Variants in NCAM2 observed in about 807,000 individuals in gnomAD.
NCAM2 encodes the protein neural cell adhesion molecule 2.
A neutral mutation model predicts 98.1 loss-of-function variants in NCAM2; 30 were observed. That is an observed-to-expected ratio of 0.31 (90% confidence interval 0.23 to 0.41). NCAM2 has a LOEUF of 0.41. NCAM2 is among the 10% of genes least tolerant of loss of function. NCAM2 has a pLI of 1.00. For synonymous variants in NCAM2, 368 were observed against 342.4 expected (o/e 1.07, Z -0.83); for missense variants, 867 against 1,005.8 (o/e 0.86, Z 1.87).
chr21:21,458,872 C>G (rs1340603983), intron 12 of NCAM2, among the ~76,000 whole-genome samples: 1 of 152,074 alleles, frequency 6.6e-6, no homozygotes, highest in African/African-American at 2.4e-5. Flanking sequence ...TGAAAAACTT[C>G]CGCACATAAA....
chr21:21,509,380 C>T (rs1466907590), intron 16 of NCAM2, among the ~76,000 whole-genome samples: 3 of 152,054 alleles, frequency 2.0e-5, no homozygotes, highest in African/African-American at 4.8e-5. Context: ...ATTTATTCCA[C>T]CGGTTTTGTT....
chr21:21,026,448 CG>C (rs1283810071), intron 1 of NCAM2, among the ~76,000 whole-genome samples: 1 of 151,878 alleles, frequency 6.6e-6, no homozygotes, highest in Non-Finnish European at 1.5e-5. Flanking sequence ...CACCTGAGGT[CG>C]GGAGTTCGAG....
At chr21:21,090,533 A>T (rs1057073414) in intron 1 of NCAM2, among the ~76,000 whole-genome samples, 2 of 152,176 alleles carry the variant, frequency 1.3e-5, no homozygotes, top group Non-Finnish European at 2.9e-5. Flanking sequence ...TTTTCAAGAA[A>T]TATCCCTTGC....
In NCAM2 at chr21:21,059,154, G is replaced by A. The variant is rs112691444; in HGVS notation, c.55+60536G>A. Among the ~76,000 whole-genome samples the A allele has an allele frequency of 4.5e-3, 689 of 151,852 alleles. 3 individuals carry two copies. Among genetic ancestry groups the A allele is most frequent in the African/African-American group, 0.015 (632 of 41,436 alleles). On this transcript the variant is annotated intron_variant, in intron 1 of 17. Coordinates refer to ENST00000400546, the MANE Select transcript of NCAM2 (RefSeq NM_004540.5). ...ATAATTTATATATGCCATCTTCTTT[G>A]CATTTCTTTATTTTTTGATTCAGTG...
intron 1 of NCAM2, among the ~76,000 whole-genome samples, chr21:21,241,965 T>C (rs2071083035): frequency 6.6e-6 from 1 of 152,090 alleles, no homozygotes; most frequent in African/African-American, 2.4e-5. Context: ...AATAATCAAG[T>C]AAAAATTCAG....
chr21:21,372,161 CA>C (rs1308068326), intron 8 of NCAM2, among the ~76,000 whole-genome samples: 2 of 151,622 alleles, frequency 1.3e-5, no homozygotes, highest in Admixed American at 1.3e-4. Flanking sequence ...AAATTGTCAA[CA>C]AAAACTTTTA....
At chr21:21,073,883 A>G (rs1344479905) in intron 1 of NCAM2, among the ~76,000 whole-genome samples, 4 of 152,176 alleles carry the variant, frequency 2.6e-5, no homozygotes, top group Non-Finnish European at 4.4e-5. Flanking sequence ...TTTATCTTCC[A>G]TATGTTACAG....
chr21:21,331,545 C>CTCTATAT (rs1568942424), intron 6 of NCAM2, among the ~76,000 whole-genome samples: 11 of 342 alleles, frequency 0.032, 4 homozygotes, highest in Non-Finnish European at 0.042. Context: ...ACTCTATATA[C>CTCTATAT]ATATATATAT....
chr21:21,257,428 G>C (rs1478448250), intron 1 of NCAM2, among the ~76,000 whole-genome samples: 1 of 152,140 alleles, frequency 6.6e-6, no homozygotes, highest in Non-Finnish European at 1.5e-5. Flanking sequence ...AGTCTTCTTG[G>C]TAATCATTAG....
intron 1 of NCAM2, among the ~76,000 whole-genome samples, chr21:21,259,316 A>G (rs553451308): frequency 6.6e-6 from 1 of 152,176 alleles, no homozygotes; most frequent in African/African-American, 2.4e-5. Context: ...TTCATGGTCC[A>G]CAGCCACACT....
intron 14 of NCAM2, among the ~76,000 whole-genome samples, chr21:21,470,995 C>A (rs1216596549): frequency 6.6e-6 from 1 of 151,754 alleles, no homozygotes; most frequent in East Asian, 1.9e-4. Context: ...TACTTTTTCA[C>A]ATTTTTTTCA....
chr21:21,477,847 G>C (rs1985369909), intron 15 of NCAM2, among the ~76,000 whole-genome samples: 1 of 152,114 alleles, frequency 6.6e-6, no homozygotes, highest in African/African-American at 2.4e-5. Flanking sequence ...TGTTAGATTT[G>C]ACCGAAGGTA....
chr21:21,169,326 T>G (rs1336284150), intron 1 of NCAM2, among the ~76,000 whole-genome samples: 1 of 152,008 alleles, frequency 6.6e-6, no homozygotes, highest in Non-Finnish European at 1.5e-5. Context: ...AAAATGTAAA[T>G]CTATAAAACT....
intron 1 of NCAM2, among the ~76,000 whole-genome samples, chr21:21,159,347 A>G (rs2067711656): frequency 6.6e-6 from 1 of 152,188 alleles, no homozygotes; most frequent in African/African-American, 2.4e-5. Flanking sequence ...ATGTTTATAA[A>G]GTCTGCAGTA....
Position 21,171,790 on chromosome 21 carries a change from T to C in NCAM2, c.56-108788T>C, listed in dbSNP as rs78576621. Among the ~76,000 whole-genome samples, 182 of 152,270 alleles carry C rather than the reference T, an allele frequency of 1.2e-3. 2 individuals are homozygous for C. In the East Asian group the frequency reaches 0.034, roughly 28 times the overall value. The stretch of plus-strand genomic sequence containing the variant: ...TGAATTACAACACAGGATAAATTTA[T>C]TGTACTCGAGAATGCTAATGGGGAT... On this transcript the variant is annotated intron_variant, in intron 1 of 17. Coordinates refer to ENST00000400546, the MANE Select transcript of NCAM2 (RefSeq NM_004540.5).
At chr21:21,033,897 C>A (rs1445373979) in intron 1 of NCAM2, among the ~76,000 whole-genome samples, 1 of 152,040 alleles carries the variant, frequency 6.6e-6, no homozygotes, top group Non-Finnish European at 1.5e-5. Flanking sequence ...TAATAGTCAT[C>A]CGAAAGTATG....
chr21:21,124,548 T>G (rs923997486), intron 1 of NCAM2, among the ~76,000 whole-genome samples: 1 of 152,170 alleles, frequency 6.6e-6, no homozygotes, highest in Non-Finnish European at 1.5e-5. Context: ...TGTGGAGACA[T>G]GGAATCAGGG....
intron 1 of NCAM2, among the ~76,000 whole-genome samples, chr21:21,149,671 G>C (rs1260690842): frequency 6.6e-6 from 1 of 151,936 alleles, no homozygotes; most frequent in African/African-American, 2.4e-5. Flanking sequence ...GTGGTGTTTG[G>C]TTTTGTTCCT....
At chr21:21,325,690 C>T (rs1444066864) in intron 6 of NCAM2, among the ~76,000 whole-genome samples, 2 of 152,108 alleles carry the variant, frequency 1.3e-5, no homozygotes, top group African/African-American at 4.8e-5. Context: ...ATCATTCATT[C>T]CAATGAAAAA....
Sources: gnomAD v4.1 joint callset for allele counts (sites outside exome capture counted in the v4.1 genomes callset) on GRCh38, gnomAD v4.1.1 for gene constraint, MANE v1.5 for transcripts, NCBI Gene and HGNC (gene_info 2026-07-23, HGNC 2026-07-21) for gene names.